The following C2orf78 variants were observed in gnomAD, a reference collection of about 807,000 sequenced individuals.
C2orf78 encodes chromosome 2 open reading frame 78, also known as uncharacterized protein C2orf78.
Under a neutral mutation model 21.4 loss-of-function variants are expected in C2orf78, and 12 were observed. That is an observed-to-expected ratio of 0.56 (90% CI 0.36 to 0.91). The LOEUF is 0.91. C2orf78 is among the 40% of genes least tolerant of loss of function. The pLI, the probability that C2orf78 is intolerant of heterozygous loss-of-function variation, is 0.01. For synonymous variants in C2orf78, 396 were observed against 413.9 expected, an observed-to-expected ratio of 0.96 and a Z score of 0.52; for missense variants, 1,042 against 1,092.4, an observed-to-expected ratio of 0.95 and a Z score of 0.65.
At chr2:73,816,327 T>G (rs1189408044) in exon 3 of C2orf78, 1 of 1,613,044 alleles carries the variant, frequency 6.2e-7, no homozygotes, top group East Asian at 2.2e-5. Flanking sequence ...TGAAAAAGAG[T>G]GTACATCTCC....
intron 1 of C2orf78, among the ~76,000 whole-genome samples, chr2:73,812,778 G>A (rs1296515938): frequency 2.0e-5 from 3 of 152,162 alleles, no homozygotes; most frequent in East Asian, 1.9e-4. Flanking sequence ...TTTGACTAAT[G>A]ATAAAAAGCC....
At position 73,813,459 on chromosome 2, in the gene C2orf78, C is replaced by G. The variant is rs761726662; in HGVS notation, c.98-18C>G. On this transcript the variant is annotated intron_variant, in intron 1 of 2. Coordinates refer to ENST00000409561, the Ensembl canonical transcript of C2orf78. ...TTCACTCTCATCGGTTTTTTCATCT[C>G]TCTCTTGTTTCCTACAGAATATTTC... 2.6e-6 allele frequency: 4 copies of G among 1,553,392 alleles called. No individual in the cohort carries two copies. The highest frequency in any genetic ancestry group is 1.2e-5 in the South Asian group (1 of 81,368).
exon 3 of C2orf78, chr2:73,816,890 G>C (rs916294284): frequency 6.2e-7 from 1 of 1,613,816 alleles, no homozygotes; most frequent in Non-Finnish European, 8.5e-7. Context: ...CTCAACAAGA[G>C]CGTGAGAATG....
exon 3 of C2orf78, chr2:73,816,429 C>T (rs774182891): frequency 1.2e-5 from 19 of 1,613,824 alleles, no homozygotes; most frequent in Middle Eastern, 1.6e-4. Context: ...ACATGTTTCT[C>T]GGCGGCCAAA....
intron 1 of C2orf78, among the ~76,000 whole-genome samples, chr2:73,811,452 T>C (rs1341041156): frequency 6.6e-6 from 1 of 152,194 alleles, no homozygotes; most frequent in Non-Finnish European, 1.5e-5. Flanking sequence ...GAAAAAAGAA[T>C]GTATCGTTAT....
exon 3 of C2orf78, chr2:73,816,432 C>T (rs200098199): frequency 2.5e-6 from 4 of 1,613,928 alleles, no homozygotes; most frequent in Non-Finnish European, 3.4e-6. Context: ...TGTTTCTCGG[C>T]GGCCAAACCC....
At chr2:73,786,182 C>A (rs1672929082) in intron 1 of C2orf78, among the ~76,000 whole-genome samples, 1 of 151,914 alleles carries the variant, frequency 6.6e-6, no homozygotes, top group South Asian at 2.1e-4. Flanking sequence ...AAGTTGGAGA[C>A]CAGCCTAGGC....
At position 73,812,325 on chromosome 2, in the gene C2orf78, A is replaced by G. The variant is rs577804927; in HGVS notation, c.98-1152A>G. Among the ~76,000 whole-genome samples the G allele has an allele frequency of 2.7e-4, 41 of 152,240 alleles. 1 individual carries two copies. The South Asian group carries it at 3.9e-3, about 15-fold the overall frequency. ...AATATCTATATATTGTTTTAGTTCC[A>G]TGATTTTATGTTTTTAATTATTTTG... On this transcript the variant is annotated intron_variant, in intron 1 of 2. Coordinates refer to ENST00000409561, the Ensembl canonical transcript of C2orf78.
exon 3 of C2orf78, chr2:73,816,812 T>A: frequency 6.2e-7 from 1 of 1,614,038 alleles, no homozygotes; most frequent in Non-Finnish European, 8.5e-7. Context: ...CCACTGTTCC[T>A]GAGCCAGTAA....
chr2:73,812,586 A>ATG (rs1673111465), intron 1 of C2orf78, among the ~76,000 whole-genome samples: 1 of 152,084 alleles, frequency 6.6e-6, no homozygotes, highest in South Asian at 2.1e-4. Context: ...AGATAATCTG[A>ATG]TGTCAGGAGT....
At chr2:73,809,398 C>G (rs1673025309) in intron 1 of C2orf78, among the ~76,000 whole-genome samples, 1 of 151,888 alleles carries the variant, frequency 6.6e-6, no homozygotes, top group South Asian at 2.1e-4. Context: ...TGGCTCACAC[C>G]TGTAATCTCA....
exon 2 of C2orf78, chr2:73,814,203 C>G (rs373811324): frequency 6.3e-7 from 1 of 1,581,056 alleles, no homozygotes; most frequent in East Asian, 2.3e-5. Context: ...TCTTCTCAAC[C>G]CATCACAGAA....
chr2:73,815,299 A>G, exon 3 of C2orf78: 1 of 1,613,908 alleles, frequency 6.2e-7, no homozygotes, highest in Non-Finnish European at 8.5e-7. Flanking sequence ...AAAAATGAGA[A>G]TGAGAATTTG....
exon 2 of C2orf78, chr2:73,813,933 T>G (rs777986662): frequency 6.2e-7 from 1 of 1,614,060 alleles, no homozygotes; most frequent in Non-Finnish European, 8.5e-7. Context: ...TCTGCCAGCC[T>G]TGTTCAGGGG....
chr2:73,813,859 T>C, exon 2 of C2orf78: 2 of 1,613,976 alleles, frequency 1.2e-6, no homozygotes, highest in Non-Finnish European at 1.7e-6. Flanking sequence ...CTTCCATGTC[T>C]ATGACAGCCC....
At chr2:73,816,409 C>T (rs1290278129) in exon 3 of C2orf78, 2 of 1,613,960 alleles carry the variant, frequency 1.2e-6, no homozygotes, top group Non-Finnish European at 1.7e-6. Context: ...CTGGACCAAC[C>T]TCAAGCTCGA....
exon 3 of C2orf78, chr2:73,815,608 A>T: frequency 6.2e-7 from 1 of 1,613,998 alleles, no homozygotes; most frequent in Non-Finnish European, 8.5e-7. Flanking sequence ...TCCTTACAAG[A>T]TCTTGACCAA....
chr2:73,811,568 A>C (rs1408333535), intron 1 of C2orf78, among the ~76,000 whole-genome samples: 1 of 152,212 alleles, frequency 6.6e-6, no homozygotes, highest in Non-Finnish European at 1.5e-5. Flanking sequence ...CTGATTCATA[A>C]TGGACTGCTT....
exon 3 of C2orf78, chr2:73,815,555 C>A: frequency 1.2e-6 from 2 of 1,613,914 alleles, no homozygotes; most frequent in South Asian, 1.1e-5. Flanking sequence ...TGGCAGACAT[C>A]ACTACATGGG....
Sources: allele counts gnomAD v4.1 joint callset (sites outside exome capture counted in the v4.1 genomes callset), GRCh38; gene constraint gnomAD v4.1.1; transcripts MANE v1.5; gene names NCBI Gene and HGNC (gene_info 2026-07-23, HGNC 2026-07-21).